The following ASTN2 variants were observed in gnomAD, a reference collection of about 807,000 sequenced individuals.
The protein encoded by ASTN2 is astrotactin-2.
ASTN2 carries 54 observed loss-of-function variants against 139.8 expected under a neutral mutation model. The observed-to-expected ratio is 0.39, with a 90% CI of 0.31 to 0.48. ASTN2 has a LOEUF of 0.48. ASTN2 is among the 20% of genes least tolerant of loss of function. The probability of loss-of-function intolerance (pLI) is 0.95; values close to 1 mark genes in which losing one functional copy is unlikely to be tolerated. For missense variants in ASTN2, 1,565 were observed against 1,725.1 expected, an observed-to-expected ratio of 0.91 and a Z score of 1.64; for synonymous variants, 756 against 719.5, an observed-to-expected ratio of 1.05 and a Z score of -0.81.
rs1216917419 is a variant in ASTN2, at chr9:116,905,971, C to T, written c.1890-42238G>A. Among the ~76,000 whole-genome samples, 11 of 151,954 alleles carry T rather than the reference C, an allele frequency of 7.2e-5. 1 individual carries two copies. Among genetic ancestry groups the T allele is most frequent in the Admixed American group, 7.2e-4 (11 of 15,246 alleles). On this transcript the variant is annotated intron_variant, in intron 10 of 22. Transcript: ENST00000313400. ...CTGTCTCTCTAAAGCTTTGTTTCCC[C>T]ATTTTCCCCTTTGCACTTGTGCCCT...
chr9:116,496,801 T>C (rs964462645), intron 19 of ASTN2, among the ~76,000 whole-genome samples: 1 of 152,218 alleles, frequency 6.6e-6, no homozygotes, highest in East Asian at 1.9e-4. Context: ...TCTTACGTGG[T>C]GGCAGGCAAG....
intron 20 of ASTN2, among the ~76,000 whole-genome samples, chr9:116,469,073 G>A (rs151307433): frequency 2.1e-3 from 317 of 152,264 alleles, no homozygotes; most frequent in African/African-American, 7.2e-3. Context: ...ACATTTCATC[G>A]TGAGTTCCAT....
intron 17 of ASTN2, among the ~76,000 whole-genome samples, chr9:116,638,974 T>A (rs897727945): frequency 6.6e-6 from 1 of 152,228 alleles, no homozygotes; most frequent in Non-Finnish European, 1.5e-5. Context: ...AATTATCTCA[T>A]GTTTGAGATG....
At chr9:116,626,225 C>T (rs1409527022) in intron 17 of ASTN2, among the ~76,000 whole-genome samples, 4 of 118,198 alleles carry the variant, frequency 3.4e-5, no homozygotes, top group East Asian at 2.7e-4. Flanking sequence ...AGGCTGGTCT[C>T]GAAATCCTGA....
intron 3 of ASTN2, among the ~76,000 whole-genome samples, chr9:117,170,867 C>A (rs1433568002): frequency 6.6e-6 from 1 of 152,174 alleles, no homozygotes; most frequent in Non-Finnish European, 1.5e-5. Context: ...GCAAGCCATA[C>A]CTTGCCAGGT....
At chr9:116,774,021 A>C (rs1327749105) in intron 13 of ASTN2, among the ~76,000 whole-genome samples, 1 of 152,212 alleles carries the variant, frequency 6.6e-6, no homozygotes, top group Non-Finnish European at 1.5e-5. Context: ...AAAAACTGTA[A>C]GTACATGAGT....
intron 5 of ASTN2, among the ~76,000 whole-genome samples, chr9:117,042,399 CT>C (rs1369337948): frequency 1.3e-5 from 2 of 152,094 alleles, no homozygotes; most frequent in Non-Finnish European, 2.9e-5. Context: ...AGACCCTTGT[CT>C]TTTTTCTCAG....
At chr9:116,976,544 G>A (rs1200482423) in intron 8 of ASTN2, among the ~76,000 whole-genome samples, 157 bp downstream of exon 8, 3 of 152,156 alleles carry the variant, frequency 2.0e-5, no homozygotes, top group Admixed American at 6.5e-5. Flanking sequence ...TGATTCCATG[G>A]GAAAGTAGGA....
chr9:116,778,489 G>C (rs1444800134), intron 13 of ASTN2, among the ~76,000 whole-genome samples: 1 of 152,104 alleles, frequency 6.6e-6, no homozygotes, highest in Non-Finnish European at 1.5e-5. Flanking sequence ...AAAGACCATA[G>C]GGAAAATACT....
intron 13 of ASTN2, among the ~76,000 whole-genome samples, chr9:116,739,652 G>A (rs1030301978): frequency 3.3e-5 from 5 of 152,140 alleles, no homozygotes; most frequent in Non-Finnish European, 5.9e-5. Context: ...CGTTTCTAAC[G>A]ATACATGTGC....
intron 22 of ASTN2, among the ~76,000 whole-genome samples, chr9:116,430,135 A>C (rs552160515): frequency 1.2e-4 from 19 of 152,216 alleles, no homozygotes; most frequent in Non-Finnish European, 1.5e-4. Flanking sequence ...ATAGTCACAG[A>C]AGTAAGCGAT....
chr9:116,805,683 T>C lies in ASTN2; in HGVS notation c.2345A>G (p.Asn782Ser), dbSNP rs1388960586. 4.3e-6 allele frequency: 7 copies of C among 1,613,850 alleles called. No homozygotes were observed. Among genetic ancestry groups the C allele is most frequent in the Non-Finnish European group, 5.9e-6 (7 of 1,179,862 alleles). Residue 782 changes from asparagine (N) to serine (S), a missense_variant, in exon 13 of 23, where the codon AAC becomes AGC. Transcript: ENST00000313400. ...TTGGTTCACATGCTGGGTCCGGTTGTTGTAACCATGTAGCATCTCTCCAAA... is the reference window on the plus strand; with the variant it reads ...TTGGTTCACATGCTGGGTCCGGTTGCTGTAACCATGTAGCATCTCTCCAAA... Reference protein sequence around the residue: ...TLFGEMLHGYNNRTQHVNQGQ... With the variant: ...TLFGEMLHGYSNRTQHVNQGQ...
intron 10 of ASTN2, among the ~76,000 whole-genome samples, chr9:116,880,947 A>T (rs946524984): frequency 1.3e-5 from 2 of 152,202 alleles, no homozygotes; most frequent in African/African-American, 2.4e-5. Context: ...ACACATAAAG[A>T]CGTCATGAGG....
chr9:116,864,357 G>A (rs192573959), intron 10 of ASTN2, among the ~76,000 whole-genome samples: 1 of 152,286 alleles, frequency 6.6e-6, no homozygotes, highest in East Asian at 1.9e-4. Flanking sequence ...TCAGACTATT[G>A]TGTATAAGTC....
At chr9:116,902,915 T>G (rs1834057685) in intron 10 of ASTN2, among the ~76,000 whole-genome samples, 1 of 152,182 alleles carries the variant, frequency 6.6e-6, no homozygotes, top group South Asian at 2.1e-4. Context: ...GCTATTCCCA[T>G]GTCTTTGAAG....
chr9:116,685,263 T>A (rs1860130233), intron 16 of ASTN2, among the ~76,000 whole-genome samples: 1 of 152,158 alleles, frequency 6.6e-6, no homozygotes, highest in South Asian at 2.1e-4. Flanking sequence ...CGACTCCCTA[T>A]GATTTCATCC....
intron 16 of ASTN2, among the ~76,000 whole-genome samples, chr9:116,656,576 C>A (rs1044957805): frequency 1.3e-5 from 2 of 151,748 alleles, no homozygotes; most frequent in African/African-American, 2.4e-5. Context: ...TGGTTTCAAG[C>A]CCAATTCAGT....
chr9:116,693,063 T>G (rs1434215711), intron 16 of ASTN2, among the ~76,000 whole-genome samples: 1 of 152,196 alleles, frequency 6.6e-6, no homozygotes, highest in Non-Finnish European at 1.5e-5. Flanking sequence ...AAGGAAAGGT[T>G]GTTCATGCTT....
At chr9:117,120,034 A>ACCCTGAG (rs1829514377) in intron 4 of ASTN2, among the ~76,000 whole-genome samples, 1 of 116,602 alleles carries the variant, frequency 8.6e-6, no homozygotes, top group Non-Finnish European at 1.9e-5. Context: ...ATATATATAT[A>ACCCTGAG]TATATATATA....
Sources: gnomAD v4.1 joint callset for allele counts (sites outside exome capture counted in the v4.1 genomes callset) on GRCh38, gnomAD v4.1.1 for gene constraint, MANE v1.5 for transcripts, NCBI Gene and HGNC (gene_info 2026-07-23, HGNC 2026-07-21) for gene names.